GALNT3: variants seen among roughly 807,000 people sequenced by gnomAD.
GALNT3 encodes polypeptide N-acetylgalactosaminyltransferase 3.
Under a neutral mutation model 69.8 loss-of-function variants are expected in GALNT3, and 51 were observed. That is an observed-to-expected ratio of 0.73 (90% CI 0.58 to 0.92). The LOEUF (loss-of-function observed/expected upper bound fraction) is 0.92. GALNT3 is among the 40% of genes least tolerant of loss of function. The pLI is 0.00. For missense variants in GALNT3, 711 were observed against 760.0 expected, an observed-to-expected ratio of 0.94 and a Z score of 0.76; for synonymous variants, 265 against 248.5, an observed-to-expected ratio of 1.07 and a Z score of -0.63.
At chr2:165,785,417 A>G (rs1683200525) in intron 1 of GALNT3, among the ~76,000 whole-genome samples, 1 of 152,220 alleles carries the variant, frequency 6.6e-6, no homozygotes, top group East Asian at 1.9e-4. Context: ...TCTGGGGAAG[A>G]AAACTGGTGT....
At chr2:165,786,295 C>T (rs538387309) in intron 1 of GALNT3, among the ~76,000 whole-genome samples, 20 of 152,100 alleles carry the variant, frequency 1.3e-4, no homozygotes, top group Non-Finnish European at 2.1e-4. Context: ...ACTGGGGAGA[C>T]GAGAAAGGAG....
At chr2:165,761,717 C>T (rs960994520) in intron 4 of GALNT3, 188 bp downstream of exon 4, 1 of 728,026 alleles carries the variant, frequency 1.4e-6, no homozygotes, top group African/African-American at 1.7e-5. Context: ...AAGAATTCTG[C>T]ATAAGTGAAA....
At chr2:165,773,857 T>G (rs1688798502) in intron 1 of GALNT3, among the ~76,000 whole-genome samples, 1 of 151,830 alleles carries the variant, frequency 6.6e-6, no homozygotes, top group Non-Finnish European at 1.5e-5. Context: ...GTGGAAGTAA[T>G]TTTACAATCT....
intron 1 of GALNT3, among the ~76,000 whole-genome samples, chr2:165,775,294 C>T (rs920795741): frequency 2.6e-5 from 4 of 152,036 alleles, no homozygotes; most frequent in African/African-American, 7.2e-5. Context: ...CTACAAATAG[C>T]TTCCTATCAT....
At chr2:165,767,118 A>C (rs1688657341) in intron 2 of GALNT3, among the ~76,000 whole-genome samples, 1 of 152,182 alleles carries the variant, frequency 6.6e-6, no homozygotes, top group South Asian at 2.1e-4. Flanking sequence ...GCTCAAACAC[A>C]AACTATTAAT....
intron 1 of GALNT3, among the ~76,000 whole-genome samples, chr2:165,786,843 G>T (rs1417905866): frequency 6.6e-6 from 1 of 152,122 alleles, no homozygotes; most frequent in African/African-American, 2.4e-5. Context: ...ACCTCATAGG[G>T]TTGCTTTGAA....
At chr2:165,785,260 A>C (rs530988534) in intron 1 of GALNT3, among the ~76,000 whole-genome samples, 2 of 152,340 alleles carry the variant, frequency 1.3e-5, no homozygotes, top group East Asian at 3.9e-4. Flanking sequence ...TATGCAAAGT[A>C]AAAAACAAGG....
chr2:165,783,670 T>C (rs888459738), intron 1 of GALNT3, among the ~76,000 whole-genome samples: 5 of 152,288 alleles, frequency 3.3e-5, no homozygotes, highest in Admixed American at 2.0e-4. Context: ...AAATGAATAA[T>C]CATAGCTGCA....
At position 165,754,496 on chromosome 2, in the gene GALNT3, C is replaced by T. The variant is rs62174818; in HGVS notation, c.1626+131G>A. ...ATACTCATCAATATCAATTGCCAAA[C>T]TCAGTCTGAAAACATTTCACACACA... is the stretch of plus-strand genomic sequence containing the variant. On this transcript the variant is annotated intron_variant, in intron 9 of 10. Coordinates refer to ENST00000392701, the MANE Select transcript of GALNT3 (RefSeq NM_004482.4). 300,895 of 671,040 alleles carry T rather than the reference C, an allele frequency of 0.45. 69,101 individuals are homozygous for T. The highest frequency in any genetic ancestry group is 0.51 in the Non-Finnish European group (194,268 of 380,978). The allele number at this position is 671,040 out of a possible 1,614,324, so 41.6% of individuals were successfully genotyped here.
At chr2:165,759,000 A>G (rs1688494980) in intron 5 of GALNT3, 136 bp from the exon 6 acceptor site, 1 of 713,346 alleles carries the variant, frequency 1.4e-6, no homozygotes, top group Non-Finnish European at 2.5e-6. Context: ...AAAACTAGAA[A>G]TGCTATCTTC....
intron 1 of GALNT3, among the ~76,000 whole-genome samples, chr2:165,782,632 C>T (rs961190135): frequency 2.0e-5 from 3 of 152,156 alleles, no homozygotes; most frequent in Non-Finnish European, 4.4e-5. Flanking sequence ...ATGAGTACAA[C>T]TGGAGCTAAG....
chr2:165,754,766 T>A, intron 8 of GALNT3, 38 bp from the exon 9 acceptor site: 1 of 1,468,690 alleles, frequency 6.8e-7, no homozygotes, highest in Non-Finnish European at 9.4e-7. Flanking sequence ...AGTTTTTTAA[T>A]CCATGTGATT....
chr2:165,776,232 A>G (rs559391955), intron 1 of GALNT3, among the ~76,000 whole-genome samples: 1 of 152,282 alleles, frequency 6.6e-6, no homozygotes, highest in African/African-American at 2.4e-5. Flanking sequence ...TGTCAGTACT[A>G]CCTGCCAAAT....
chr2:165,772,934 T>A (rs1449366298), intron 1 of GALNT3, among the ~76,000 whole-genome samples: 1 of 152,206 alleles, frequency 6.6e-6, no homozygotes, highest in Non-Finnish European at 1.5e-5. Context: ...AGGACTGTTT[T>A]TAAGAAAAGA....
intron 2 of GALNT3, among the ~76,000 whole-genome samples, chr2:165,766,306 G>C (rs977836929): frequency 6.6e-6 from 1 of 152,212 alleles, no homozygotes; most frequent in South Asian, 2.1e-4. Context: ...TGGGCACAGG[G>C]AGAGAGACCC....
chr2:165,791,188 T>C (rs1683339441), intron 1 of GALNT3, among the ~76,000 whole-genome samples: 1 of 152,094 alleles, frequency 6.6e-6, no homozygotes, highest in African/African-American at 2.4e-5. Context: ...ACAATACATG[T>C]TTAATTAGGA....
chr2:165,759,980 A>G (rs188861642), intron 4 of GALNT3, among the ~76,000 whole-genome samples: 6 of 152,236 alleles, frequency 3.9e-5, no homozygotes, highest in Non-Finnish European at 5.9e-5. Context: ...GTTTATTGTG[A>G]TGAGATGAGG....
intron 9 of GALNT3, among the ~76,000 whole-genome samples, chr2:165,753,270 T>C (rs1415001968): frequency 2.0e-5 from 3 of 152,128 alleles, no homozygotes; most frequent in Non-Finnish European, 4.4e-5. Flanking sequence ...TCCACACACA[T>C]CTTGGACTCT....
intron 3 of GALNT3, among the ~76,000 whole-genome samples, chr2:165,764,317 G>A (rs1688601538): frequency 6.6e-6 from 1 of 152,058 alleles, no homozygotes; most frequent in Non-Finnish European, 1.5e-5. Flanking sequence ...AACTCATTCA[G>A]TCTTTAAAAC....
Sources: allele counts gnomAD v4.1 joint callset (sites outside exome capture counted in the v4.1 genomes callset), GRCh38; gene constraint gnomAD v4.1.1; transcripts MANE v1.5; gene names NCBI Gene and HGNC (gene_info 2026-07-23, HGNC 2026-07-21).